AFF3: variants seen among roughly 807,000 people sequenced by gnomAD.
AFF3 encodes the protein AF4/FMR2 family member 3.
AFF3 carries 32 observed loss-of-function variants against 129.7 expected under a neutral mutation model. The observed-to-expected ratio is 0.25, with a 90% CI of 0.19 to 0.33. The LOEUF (loss-of-function observed/expected upper bound fraction) is 0.33, where lower values mean the gene tolerates loss of function less well. Among genes scored for constraint, AFF3 ranks in the 10% least tolerant of loss-of-function variants. The probability of loss-of-function intolerance (pLI) is 1.00; values close to 1 mark genes in which losing one functional copy is unlikely to be tolerated. For synonymous variants in AFF3, 644 were observed against 635.4 expected, an observed-to-expected ratio of 1.01 and a Z score of -0.20; for missense variants, 1,373 against 1,592.0, an observed-to-expected ratio of 0.86 and a Z score of 2.34.
intron 11 of AFF3, among the ~76,000 whole-genome samples, chr2:99,711,527 T>C (rs1165486372): frequency 6.6e-6 from 1 of 152,044 alleles, no homozygotes; most frequent in Non-Finnish European, 1.5e-5. Context: ...GAACCTGCGA[T>C]CTAGGGGTGG....
chr2:99,790,457 C>T (rs945549783), intron 8 of AFF3, among the ~76,000 whole-genome samples: 2 of 152,206 alleles, frequency 1.3e-5, no homozygotes, highest in Non-Finnish European at 2.9e-5. Context: ...CTTCTCTTTG[C>T]AAAGGAACCC....
intron 19 of AFF3, among the ~76,000 whole-genome samples, chr2:99,566,349 G>A (rs966148802): frequency 2.0e-5 from 3 of 151,914 alleles, no homozygotes; most frequent in Non-Finnish European, 4.4e-5. Context: ...AGCTATTTCA[G>A]CTTTGCTAAA....
intron 8 of AFF3, among the ~76,000 whole-genome samples, chr2:99,782,083 G>T (rs751880145): frequency 2.6e-5 from 4 of 152,126 alleles, no homozygotes; most frequent in Admixed American, 6.6e-5. Flanking sequence ...AACCTGAAAG[G>T]GTTTTTTCTT....
At chr2:100,126,167 A>G (rs1182174755) in intron 2 of AFF3, among the ~76,000 whole-genome samples, 1 of 152,174 alleles carries the variant, frequency 6.6e-6, no homozygotes, top group East Asian at 1.9e-4. Context: ...ATGCCGGGGA[A>G]ATGGCTGGAT....
intron 12 of AFF3, among the ~76,000 whole-genome samples, chr2:99,666,739 TAAAG>T (rs1686709321): frequency 1.3e-5 from 2 of 152,122 alleles, no homozygotes; most frequent in Admixed American, 1.3e-4. Flanking sequence ...TTAATCAAAA[TAAAG>T]CAGGAGTAGC....
intron 7 of AFF3, among the ~76,000 whole-genome samples, chr2:99,862,056 T>G (rs1691038683): frequency 1.3e-5 from 2 of 152,182 alleles, no homozygotes; most frequent in South Asian, 4.1e-4. Flanking sequence ...CTGCTTTTCT[T>G]CACTGATTAG....
intron 11 of AFF3, among the ~76,000 whole-genome samples, chr2:99,726,265 T>G (rs1470222575): frequency 6.6e-6 from 1 of 152,232 alleles, no homozygotes; most frequent in Non-Finnish European, 1.5e-5. Context: ...TACCACAAAC[T>G]GATTTCCAAT....
Position 100,081,058 on chromosome 2 carries a change from C to T in AFF3, c.53+23344G>A, listed in dbSNP as rs1336744361. On this transcript the variant is annotated intron_variant, in intron 4 of 24. Coordinates refer to ENST00000672756, the MANE Select transcript of AFF3 (RefSeq NM_001386135.1). ...TAAGTTTTCTGCTGGGGGCTGGAGC[C>T]ATCCACAAGGTAAGCCAAGCCCACA... Among the ~76,000 whole-genome samples the T allele has an allele frequency of 2.6e-5, 4 of 152,020 alleles. No individual in the cohort carries two copies. In the East Asian group the frequency reaches 7.8e-4, roughly 30 times the overall value.
At position 100,137,933 on chromosome 2, in the gene AFF3, C is replaced by G. The variant is rs117249332; in HGVS notation, c.-228+4551G>C. 1.8e-3 allele frequency among the ~76,000 whole-genome samples: 269 copies of G among 152,284 alleles called. 8 individuals carry two copies. The East Asian group carries it at 0.042, about 24-fold the overall frequency. ...AATTCCTTGGTCTTCATACTCCACT[C>G]CCAGCTGTGGAAGCAAAGCAATCAG... On this transcript the variant is annotated intron_variant, in intron 1 of 24. Transcript: ENST00000672756.
At position 99,872,202 on chromosome 2, in the gene AFF3, C is replaced by T. The variant is rs540413347; in HGVS notation, c.874-34678G>A. ...CAGCCTGGGCAACACAGCGAGACTC[C>T]ATCTCAAAAAAAAAAAAAAAAAAAA... On this transcript the variant is annotated intron_variant, in intron 7 of 24. Coordinates refer to ENST00000672756, the MANE Select transcript of AFF3 (RefSeq NM_001386135.1). Among the ~76,000 whole-genome samples the T allele has an allele frequency of 1.5e-3, 156 of 101,308 alleles. 1 individual carries two copies. The highest frequency in any genetic ancestry group is 4.7e-3 in the South Asian group (12 of 2,556). 66.5% of individuals were successfully genotyped at this position (101,308 alleles called of 152,430 possible).
At chr2:99,747,905 C>T (rs1177435775) in intron 9 of AFF3, among the ~76,000 whole-genome samples, 2 of 152,038 alleles carry the variant, frequency 1.3e-5, no homozygotes, top group Non-Finnish European at 2.9e-5. Context: ...TGCCACTCTG[C>T]GGGTACAAAT....
chr2:99,913,421 A>G (rs561313896), intron 7 of AFF3, among the ~76,000 whole-genome samples: 1 of 152,354 alleles, frequency 6.6e-6, no homozygotes, highest in African/African-American at 2.4e-5. Flanking sequence ...GGAGATGTCA[A>G]TATGAACCCT....
intron 8 of AFF3, among the ~76,000 whole-genome samples, chr2:99,776,880 A>G (rs6761899): frequency 0.14 from 20,568 of 152,242 alleles, 3,023 homozygotes; most frequent in African/African-American, 0.37. Context: ...GACCACCATC[A>G]GCACCAGGAT....
intron 7 of AFF3, among the ~76,000 whole-genome samples, chr2:99,931,956 T>C (rs534564487): frequency 6.6e-6 from 1 of 152,194 alleles, no homozygotes; most frequent in Non-Finnish European, 1.5e-5. Context: ...TAATCTGCAT[T>C]GTAAGGTTTG....
intron 1 of AFF3, among the ~76,000 whole-genome samples, chr2:100,139,334 T>C (rs998570033): frequency 2.6e-5 from 4 of 152,208 alleles, no homozygotes; most frequent in Non-Finnish European, 5.9e-5. Context: ...TGCTGGCTGA[T>C]GGTAGTTTAA....
intron 4 of AFF3, among the ~76,000 whole-genome samples, chr2:100,100,942 A>G (rs570562354): frequency 2.9e-3 from 439 of 152,250 alleles, no homozygotes; most frequent in Middle Eastern, 0.014. Flanking sequence ...ACTCTTCAAG[A>G]CTCTACAGAA....
intron 18 of AFF3, among the ~76,000 whole-genome samples, chr2:99,577,045 C>T (rs1186708856): frequency 2.6e-5 from 4 of 152,066 alleles, no homozygotes; most frequent in Admixed American, 1.3e-4. Flanking sequence ...AGAGAAGAAA[C>T]ACACATGCCC....
intron 7 of AFF3, among the ~76,000 whole-genome samples, chr2:99,846,120 C>CTGCGCCTGGCCGAA: frequency 6.6e-6 from 1 of 151,236 alleles, no homozygotes; most frequent in South Asian, 2.1e-4. Context: ...GCGTGAGCCA[C>CTGCGCCTGGCCGAA]CATACTCAGC....
chr2:99,618,966 A>G (rs1485356221), intron 13 of AFF3, among the ~76,000 whole-genome samples: 1 of 152,110 alleles, frequency 6.6e-6, no homozygotes, highest in Non-Finnish European at 1.5e-5. Flanking sequence ...AGGGTTGTCT[A>G]GAACTCCTGG....
Sources: gnomAD v4.1 joint callset for allele counts (sites outside exome capture counted in the v4.1 genomes callset) on GRCh38, gnomAD v4.1.1 for gene constraint, MANE v1.5 for transcripts, NCBI Gene and HGNC (gene_info 2026-07-23, HGNC 2026-07-21) for gene names.